The following ADSL variants were observed in gnomAD, a reference collection of about 807,000 sequenced individuals.
ADSL encodes adenylosuccinase.
ADSL carries 44 observed loss-of-function variants against 62.1 expected under a neutral mutation model. That is an observed-to-expected ratio of 0.71 (90% CI 0.56 to 0.91). The LOEUF (loss-of-function observed/expected upper bound fraction) is 0.91, where lower values mean the gene tolerates loss of function less well. Among genes scored for constraint, ADSL ranks in the 40% least tolerant of loss-of-function variants. The pLI is 0.00. For synonymous variants in ADSL, 198 were observed against 220.5 expected (o/e 0.90, Z 0.90); for missense variants, 531 against 627.4 (o/e 0.85, Z 1.64).
intron 2 of ADSL, chr22:40,376,272 T>A (rs1386756521): frequency 6.9e-6 from 1 of 144,500 alleles, no homozygotes; most frequent in African/African-American, 2.5e-5. Context: ...ACGGCTCTGC[T>A]GCTTGCTTCC....
At chr22:40,352,826 T>C (rs146911498) in intron 2 of ADSL, among the ~76,000 whole-genome samples, 6 of 152,294 alleles carry the variant, frequency 3.9e-5, no homozygotes, top group African/African-American at 9.6e-5. Flanking sequence ...CCATGTACCT[T>C]GGGCTTTATA....
chr22:40,356,915 A>T (rs2044582815), intron 4 of ADSL, among the ~76,000 whole-genome samples: 1 of 151,892 alleles, frequency 6.6e-6, no homozygotes, highest in Non-Finnish European at 1.5e-5. Flanking sequence ...TTTTGTTTTG[A>T]GACAGAGTCT....
intron 2 of ADSL, among the ~76,000 whole-genome samples, chr22:40,383,410 T>G (rs2047905495): frequency 6.8e-6 from 1 of 147,094 alleles, no homozygotes; most frequent in Non-Finnish European, 1.5e-5. Flanking sequence ...GAGCTCGCAG[T>G]GAGCCGAGAT....
chr22:40,349,782 A>G, intron 1 of ADSL, 50 bp from the exon 2 acceptor site: 3 of 1,530,994 alleles, frequency 2.0e-6, no homozygotes, highest in Non-Finnish European at 2.7e-6. Flanking sequence ...CACTTCATTC[A>G]AATAACTGTG....
At chr22:40,353,563 T>G (rs1003743327) in intron 3 of ADSL, 1 of 579,388 alleles carries the variant, frequency 1.7e-6, no homozygotes. Flanking sequence ...GGATTACAGG[T>G]GTGAGCCACC....
chr22:40,348,604 CT>C, intron 1 of ADSL: 1 of 398,570 alleles, frequency 2.5e-6, no homozygotes, highest in Non-Finnish European at 4.4e-6. Context: ...CGGTCTAGAA[CT>C]TCTGGACTCA....
chr22:40,374,566 C>T (rs926990727), intron 2 of ADSL, among the ~76,000 whole-genome samples: 35 of 152,222 alleles, frequency 2.3e-4, no homozygotes, highest in African/African-American at 8.4e-4. Flanking sequence ...TCTCCTAGAA[C>T]AGTGGTAGGT....
At chr22:40,373,846 C>T (rs1010185862), downstream of ADSL, among the ~76,000 whole-genome samples, 1 of 152,190 alleles carries the variant, frequency 6.6e-6, no homozygotes, top group African/African-American at 2.4e-5. Context: ...CATCTCTTGA[C>T]CTCGTGATCC....
chr22:40,358,854 G>C lies in ADSL; in HGVS notation c.483-10G>C. ...TCTGAGACTTTCGTGTGTTCTCTTT[G>C]GGTTTTCAGGCCTGCACAGCTGACC... On this transcript the variant is annotated splice_polypyrimidine_tract_variant and intron_variant, in intron 4 of 12. Transcript: ENST00000623063. 1 of 1,614,042 alleles carries C rather than the reference G, an allele frequency of 6.2e-7. No homozygotes were observed. Among genetic ancestry groups the C allele is most frequent in the Non-Finnish European group, 8.5e-7 (1 of 1,179,976 alleles).
At chr22:40,386,548 G>A (rs1234248368) in intron 2 of ADSL, among the ~76,000 whole-genome samples, 2 of 124,174 alleles carry the variant, frequency 1.6e-5, no homozygotes, top group East Asian at 4.8e-4. Flanking sequence ...TTGACCTCTA[G>A]TCCAATTTTC....
intron 4 of ADSL, among the ~76,000 whole-genome samples, chr22:40,355,492 T>C (rs2044520155): frequency 6.6e-6 from 1 of 152,178 alleles, no homozygotes; most frequent in African/African-American, 2.4e-5. Flanking sequence ...GCATACAATA[T>C]GTGACCTTTT....
intron 4 of ADSL, among the ~76,000 whole-genome samples, chr22:40,357,830 G>A (rs2044623516): frequency 6.6e-6 from 1 of 152,016 alleles, no homozygotes; most frequent in Non-Finnish European, 1.5e-5. Flanking sequence ...CCAGTGCGGT[G>A]TCACAGTCTC....
intron 2 of ADSL, among the ~76,000 whole-genome samples, chr22:40,377,246 A>G (rs1339364565): frequency 6.6e-6 from 1 of 152,232 alleles, no homozygotes; most frequent in Middle Eastern, 3.2e-3. Flanking sequence ...GATGTTAGGC[A>G]AATAGATGCT....
intron 2 of ADSL, among the ~76,000 whole-genome samples, chr22:40,351,488 A>T (rs897320852): frequency 1.3e-5 from 2 of 151,958 alleles, no homozygotes; most frequent in South Asian, 2.1e-4. Context: ...TAAAATATTT[A>T]TAGGGACAGT....
chr22:40,359,961 C>G (rs1055246003), intron 6 of ADSL, among the ~76,000 whole-genome samples: 5 of 152,212 alleles, frequency 3.3e-5, no homozygotes, highest in Admixed American at 6.5e-5. Context: ...TAGGCTAAAT[C>G]TGACCATTTC....
rs2044463528 is a variant in ADSL, at chr22:40,354,240, TC to T, written c.403-7del. ...CAACCTCTTTCTATCACATGATCTT[TC>T]TTGTAGCTTGCCAGAGTGATCTCTC... On this transcript the variant is annotated splice_polypyrimidine_tract_variant and splice_region_variant and intron_variant, in intron 3 of 12. Coordinates refer to ENST00000623063, the MANE Select transcript of ADSL (RefSeq NM_000026.4). 1.2e-6 allele frequency: 2 copies of T among 1,613,740 alleles called. No individual in the cohort carries two copies. The highest frequency in any genetic ancestry group is 1.7e-5 in the Admixed American group (1 of 60,026).
At chr22:40,386,829 G>T (rs1161441183) in intron 2 of ADSL, among the ~76,000 whole-genome samples, 4 of 152,022 alleles carry the variant, frequency 2.6e-5, no homozygotes, top group Non-Finnish European at 5.9e-5. Flanking sequence ...CAGTACTAAA[G>T]AAGTTAATGG....
In ADSL at chr22:40,361,326, T is replaced by G. The variant is rs2044778984; in HGVS notation, c.846T>G (p.Phe282Leu). 1.2e-6 allele frequency: 2 copies of G among 1,614,060 alleles called. No individual in the cohort carries two copies. The highest frequency in any genetic ancestry group is 1.3e-5 in the African/African-American group (1 of 74,928). ...ACCTCAAGGAGATGGAGGAACCCTT[T>G]GAAAAACAGCAGATTGGTGAGTGCT... ...LANLKEMEEP[F>L]EKQQIGSSAM... The change falls in exon 8 of 13, where the codon TTT becomes TTG. Residue 282 changes from phenylalanine to leucine, a missense_variant. Physicochemically the swap from Phe to Leu is conservative, Grantham distance 22. This residue lies in a region of ADSL where 471 missense variants were observed against 592.9 expected (regional missense o/e 0.79). Transcript: ENST00000623063.
chr22:40,360,698 A>G (rs1176395455), intron 7 of ADSL, among the ~76,000 whole-genome samples: 1 of 150,566 alleles, frequency 6.6e-6, no homozygotes, highest in African/African-American at 2.4e-5. Context: ...CAAAACATCC[A>G]TCTTGTTCAG....
Sources: gnomAD v4.1 joint callset for allele counts (sites outside exome capture counted in the v4.1 genomes callset) on GRCh38, gnomAD v4.1.1 for gene constraint, gnomAD v4.1.1 regional missense constraint, MANE v1.5 for transcripts, NCBI Gene and HGNC (gene_info 2026-07-23, HGNC 2026-07-21) for gene names.